B3GALT1: variants seen among roughly 807,000 people sequenced by gnomAD.
B3GALT1 encodes beta-1,3-galactosyltransferase 1.
B3GALT1 carries 10 observed loss-of-function variants against 23.2 expected under a neutral mutation model. That is an observed-to-expected ratio of 0.43 (90% CI 0.27 to 0.73). The LOEUF (loss-of-function observed/expected upper bound fraction) is 0.73. Ranked by LOEUF, B3GALT1 falls within the 30% of genes least tolerant of loss-of-function variation. The probability of loss-of-function intolerance (pLI) is 0.21; values close to 1 mark genes in which losing one functional copy is unlikely to be tolerated. For missense variants in B3GALT1, 299 were observed against 405.4 expected (o/e 0.74, Z 2.25); for synonymous variants, 156 against 141.5 (o/e 1.10, Z -0.73).
chr2:167,633,566 C>T (rs1685495225), intron 2 of B3GALT1, among the ~76,000 whole-genome samples: 1 of 150,924 alleles, frequency 6.6e-6, no homozygotes, highest in Non-Finnish European at 1.5e-5. Flanking sequence ...TTTAAACCAA[C>T]AAAGATCAAG....
intron 3 of B3GALT1, among the ~76,000 whole-genome samples, chr2:167,686,677 T>C (rs1455656060): frequency 6.6e-6 from 1 of 152,228 alleles, no homozygotes; most frequent in African/African-American, 2.4e-5. Context: ...GTCACTGTAT[T>C]ATTTCTATTT....
At chr2:167,775,462 G>A (rs929737105) in intron 3 of B3GALT1, among the ~76,000 whole-genome samples, 4 of 151,510 alleles carry the variant, frequency 2.6e-5, no homozygotes, top group Admixed American at 6.6e-5. Flanking sequence ...CCAGCTATTC[G>A]GGAGGCTGAG....
intron 4 of B3GALT1, among the ~76,000 whole-genome samples, chr2:167,828,093 C>G (rs2105375216): frequency 6.6e-6 from 1 of 152,288 alleles, no homozygotes; most frequent in South Asian, 2.1e-4. Flanking sequence ...TGTTTCTCAC[C>G]AGACTGTGAT....
intron 1 of B3GALT1, among the ~76,000 whole-genome samples, chr2:167,462,079 T>A (rs1010602259): frequency 6.6e-6 from 1 of 152,142 alleles, no homozygotes; most frequent in African/African-American, 2.4e-5. Context: ...AGATGCACAA[T>A]ACACACCATT....
intron 1 of B3GALT1, among the ~76,000 whole-genome samples, chr2:167,316,982 T>G (rs1216258023): frequency 2.0e-5 from 3 of 152,094 alleles, no homozygotes; most frequent in African/African-American, 7.2e-5. Flanking sequence ...GTGTGTGTGT[T>G]TAACAATTTC....
At chr2:167,389,741 G>C (rs1245917658) in intron 1 of B3GALT1, among the ~76,000 whole-genome samples, 1 of 152,006 alleles carries the variant, frequency 6.6e-6, no homozygotes, top group Non-Finnish European at 1.5e-5. Flanking sequence ...AGGATGGCCA[G>C]GTGAATTATC....
At chr2:167,774,520 C>T (rs1688129446) in intron 3 of B3GALT1, among the ~76,000 whole-genome samples, 2 of 99,344 alleles carry the variant, frequency 2.0e-5, no homozygotes, top group African/African-American at 3.7e-5. Flanking sequence ...TTTTTGGAGA[C>T]AGAGTCTTGC....
intron 3 of B3GALT1, among the ~76,000 whole-genome samples, chr2:167,685,769 C>T (rs549783285): frequency 6.6e-6 from 1 of 152,272 alleles, no homozygotes; most frequent in East Asian, 1.9e-4. Context: ...AGCAGTGTAG[C>T]CACGTGCTCA....
intron 4 of B3GALT1, among the ~76,000 whole-genome samples, chr2:167,846,831 A>T: frequency 6.6e-6 from 1 of 152,228 alleles, no homozygotes; most frequent in African/African-American, 2.4e-5. Context: ...AATGGATAAG[A>T]ACTCACCAAC....
At chr2:167,567,753 C>T (rs911056269) in intron 2 of B3GALT1, among the ~76,000 whole-genome samples, 2 of 152,026 alleles carry the variant, frequency 1.3e-5, no homozygotes, top group African/African-American at 2.4e-5. Context: ...CCCCGAAGTC[C>T]ATAGTTTACA....
At chr2:167,449,573 G>T (rs1699055226) in intron 1 of B3GALT1, among the ~76,000 whole-genome samples, 1 of 152,030 alleles carries the variant, frequency 6.6e-6, no homozygotes, top group South Asian at 2.1e-4. Context: ...TTACTGATTT[G>T]CATGCACTAT....
At chr2:167,539,449 C>T (rs564593004) in intron 2 of B3GALT1, among the ~76,000 whole-genome samples, 1 of 152,080 alleles carries the variant, frequency 6.6e-6, no homozygotes, top group Non-Finnish European at 1.5e-5. Context: ...TCAAATAAAC[C>T]CTGAATAATG....
intron 3 of B3GALT1, among the ~76,000 whole-genome samples, chr2:167,784,522 G>A (rs564316286): frequency 1.1e-4 from 17 of 152,248 alleles, no homozygotes; most frequent in Non-Finnish European, 2.2e-4. Flanking sequence ...TCCCACCTTG[G>A]GGAATTGTCT....
intron 2 of B3GALT1, among the ~76,000 whole-genome samples, chr2:167,556,653 C>G (rs577365479): frequency 2.9e-4 from 44 of 152,174 alleles, no homozygotes; most frequent in African/African-American, 9.4e-4. Flanking sequence ...TAATATTTAC[C>G]AAAGAGTTGT....
chr2:167,483,166 G>A (rs917346106), intron 1 of B3GALT1, among the ~76,000 whole-genome samples: 1 of 151,928 alleles, frequency 6.6e-6, no homozygotes, highest in African/African-American at 2.4e-5. Context: ...GGTGACGCAT[G>A]CCTGTAATCC....
intron 2 of B3GALT1, among the ~76,000 whole-genome samples, chr2:167,564,499 G>A (rs1684109142): frequency 6.6e-6 from 1 of 152,188 alleles, no homozygotes; most frequent in Non-Finnish European, 1.5e-5. Flanking sequence ...CACCCTGGGA[G>A]GCCAAGGCAG....
At chr2:167,620,205 G>C (rs188410131) in intron 2 of B3GALT1, among the ~76,000 whole-genome samples, 211 of 152,184 alleles carry the variant, frequency 1.4e-3, no homozygotes, top group South Asian at 3.1e-3. Flanking sequence ...ATGTACAAAA[G>C]TGTGTGAGAG....
intron 1 of B3GALT1, among the ~76,000 whole-genome samples, chr2:167,437,994 C>CT (rs1224749342): frequency 6.6e-6 from 1 of 152,146 alleles, no homozygotes; most frequent in East Asian, 1.9e-4. Context: ...TTCTTCCCTC[C>CT]TAGTGAGGCT....
chr2:167,314,632 A>G (rs1213200374), intron 1 of B3GALT1, among the ~76,000 whole-genome samples: 1 of 152,152 alleles, frequency 6.6e-6, no homozygotes, highest in Non-Finnish European at 1.5e-5. Flanking sequence ...TTAAGAATTA[A>G]TATTTTGTCT....
Sources: allele counts gnomAD v4.1 joint callset (sites outside exome capture counted in the v4.1 genomes callset), GRCh38; gene constraint gnomAD v4.1.1; transcripts MANE v1.5; gene names NCBI Gene and HGNC (gene_info 2026-07-23, HGNC 2026-07-21).